KCNQ1: variants seen among roughly 807,000 people sequenced by gnomAD.
The protein encoded by KCNQ1 is potassium voltage-gated channel subfamily Q member 1, also known as potassium voltage-gated channel subfamily KQT member 1.
In KCNQ1, 49 loss-of-function variants were observed where a neutral mutation model predicts 72.4. That is an observed-to-expected ratio of 0.68 (90% CI 0.54 to 0.86). The LOEUF is 0.86. Ranked by LOEUF, KCNQ1 falls within the 40% of genes least tolerant of loss-of-function variation. The probability of loss-of-function intolerance (pLI) is 0.00; values close to 1 mark genes in which losing one functional copy is unlikely to be tolerated. For missense variants in KCNQ1, 790 were observed against 945.1 expected (o/e 0.84, Z 2.15); for synonymous variants, 450 against 412.6 (o/e 1.09, Z -1.10).
At chr11:2,708,861 C>G (rs577958317) in intron 11 of KCNQ1, among the ~76,000 whole-genome samples, 2 of 152,032 alleles carry the variant, frequency 1.3e-5, no homozygotes, top group Admixed American at 1.3e-4. Flanking sequence ...TCCAGCTGTG[C>G]GAGAACATGG....
At chr11:2,633,970 A>C (rs1021380701) in intron 10 of KCNQ1, 7 of 398,414 alleles carry the variant, frequency 1.8e-5, no homozygotes, top group African/African-American at 4.1e-5. Flanking sequence ...TATACAGTTC[A>C]AATCTATGTT....
At chr11:2,656,765 CT>C in intron 10 of KCNQ1, 1 of 398,464 alleles carries the variant, frequency 2.5e-6, no homozygotes. Flanking sequence ...GTTATTGCTT[CT>C]TTTAAAAAAA....
intron 10 of KCNQ1, chr11:2,638,016 T>C (rs1849504833): frequency 6.6e-6 from 1 of 152,220 alleles, no homozygotes; most frequent in Non-Finnish European, 1.5e-5. Context: ...CCTTTTTTTA[T>C]TTTCCATTTG....
chr11:2,675,505 C>T (rs1297447573), intron 11 of KCNQ1: 3 of 398,554 alleles, frequency 7.5e-6, no homozygotes, highest in Non-Finnish European at 1.3e-5. Context: ...ATAGCAGTCA[C>T]AACATGCCAT....
chr11:2,781,723 T>C lies in KCNQ1; in HGVS notation c.1794+3686T>C, dbSNP rs753923136. ...TTTATTTTGCAAGCTAAGCTCATACTGCTTTTGCTGATATGAGGAGCACAG... is the reference window on the plus strand; with the variant it reads ...TTTATTTTGCAAGCTAAGCTCATACCGCTTTTGCTGATATGAGGAGCACAG... On this transcript the variant is annotated intron_variant, in intron 15 of 15. Transcript: ENST00000155840. The surrounding 1 kb of genome is among the most constrained non-coding windows in gnomAD (Gnocchi z 6.6). Among the ~76,000 whole-genome samples the C allele has an allele frequency of 6.6e-5, 10 of 152,384 alleles. No homozygotes were observed. The highest frequency in any genetic ancestry group is 1.3e-4 in the Admixed American group (2 of 15,306).
intron 1 of KCNQ1, among the ~76,000 whole-genome samples, chr11:2,487,429 A>G (rs1846758664): frequency 6.6e-6 from 1 of 152,154 alleles, no homozygotes; most frequent in Non-Finnish European, 1.5e-5. Flanking sequence ...TGGGATTTTG[A>G]GAGGGATTGC....
intron 1 of KCNQ1, among the ~76,000 whole-genome samples, chr11:2,454,068 C>T (rs774604909): frequency 2.0e-5 from 3 of 151,870 alleles, no homozygotes; most frequent in African/African-American, 2.4e-5. Flanking sequence ...CCACACCTGG[C>T]GTATCAGGAT....
rs1362624342 is a variant in KCNQ1 at position 2,672,869 on chromosome 11, G to A, written c.1514+10788G>A. ...GCATTTTCTTGAGTGTCATACCCTA[G>A]CCACCTGACTGTCAGGGGAGCAGTA... On this transcript the variant is annotated intron_variant, in intron 11 of 15. Transcript: ENST00000155840. The A allele has an allele frequency of 8.8e-5, 35 of 398,612 alleles. 1 individual carries two copies. Among genetic ancestry groups the A allele is most frequent in the Non-Finnish European group, 3.1e-5 (7 of 226,132 alleles). 24.7% of individuals were successfully genotyped at this position (398,612 alleles called of 1,614,324 possible).
rs1846885815 is a variant in KCNQ1, at chr11:2,494,920, G to A, written c.387-33008G>A. ...AATAGTTTCAGAAGGAATGGTACCA[G>A]CTCCTCTTTGTGCCTCTGGTAGAAT... is the stretch of plus-strand genomic sequence containing the variant. On this transcript the variant is annotated intron_variant, in intron 1 of 15. Transcript: ENST00000155840. The surrounding 1 kb of genome is among the most constrained non-coding windows in gnomAD (Gnocchi z 4.6). 6.6e-6 allele frequency among the ~76,000 whole-genome samples: 1 copy of A among 152,178 alleles called. No homozygotes were observed.
chr11:2,734,780 C>T lies in KCNQ1; in HGVS notation c.1515-34064C>T, dbSNP rs1303813962. On this transcript the variant is annotated intron_variant, in intron 11 of 15. Transcript: ENST00000155840. The surrounding 1 kb of genome is among the most constrained non-coding windows in gnomAD (Gnocchi z 7.0). ...AGACCACCGCTCCTCCGCCATAAAC[C>T]GTGTTGGATGGGCCTCCTGCCTCCT... is the stretch of plus-strand genomic sequence containing the variant. 2.0e-5 allele frequency among the ~76,000 whole-genome samples: 3 copies of T among 151,986 alleles called. No homozygotes were observed. The highest frequency in any genetic ancestry group is 6.6e-5 in the Admixed American group (1 of 15,264).
At position 2,588,849 on chromosome 11, in the gene KCNQ1, G is replaced by C. The variant is rs184636161; in HGVS notation, c.1388G>C (p.Ser463Thr). 2.9e-5 allele frequency: 47 copies of C among 1,611,918 alleles called. No individual in the cohort carries two copies. In the African/African-American group the frequency reaches 5.5e-4, roughly 19 times the overall value. Residue 463 changes from serine (S) to threonine (T), a missense_variant, in exon 10 of 16, where the codon AGT becomes ACT. Transcript: ENST00000155840. The surrounding 1 kb of genome is among the most constrained non-coding windows in gnomAD (Gnocchi z 5.6). ...LDHFSVDGYD[S>T]SVRKSPTLLE... Reference sequence around the variant, plus strand: ...CACTTCTCTGTCGACGGCTATGACAGTTCTGGTGAGAACCCCTCAGGCAGT... The same window carrying C: ...CACTTCTCTGTCGACGGCTATGACACTTCTGGTGAGAACCCCTCAGGCAGT...
rs1564916659 is a variant in KCNQ1 at position 2,848,006 on chromosome 11, AGGGGATGGGGCTG to A, written c.*13_*25del. The stretch of plus-strand genomic sequence containing the variant: ...GGGGCCCCGATGAGGGGTCCTGAGG[AGGGGATGGGGCTG>A]GGGGATGGGCCTGAGTGAGAGGGGA... On this transcript the variant is annotated 3_prime_UTR_variant, in exon 16 of 16. Transcript: ENST00000155840. 1.9e-6 allele frequency: 3 copies of A among 1,540,160 alleles called. No individual in the cohort carries two copies. The East Asian group carries it at 7.2e-5, about 37-fold the overall frequency.
At chr11:2,540,376 G>A (rs974085114) in intron 2 of KCNQ1, among the ~76,000 whole-genome samples, 10 of 152,192 alleles carry the variant, frequency 6.6e-5, no homozygotes, top group South Asian at 4.1e-4. Context: ...GGCTCGGTGC[G>A]GCCTCACGGG....
chr11:2,753,535 T>C (rs1846257443), intron 11 of KCNQ1, among the ~76,000 whole-genome samples: 2 of 152,244 alleles, frequency 1.3e-5, no homozygotes, highest in South Asian at 4.1e-4. Flanking sequence ...CCGAGCAAAG[T>C]ACCTGCCACC....
chr11:2,692,661 G>A (rs910710883), intron 11 of KCNQ1: 8 of 398,522 alleles, frequency 2.0e-5, no homozygotes, highest in African/African-American at 1.0e-4. Flanking sequence ...GGGTGCAAAC[G>A]GTCCTTCAAC....
rs1847857956 is a variant in KCNQ1 at position 2,543,493 on chromosome 11, C to G, written c.477+15475C>G. On this transcript the variant is annotated intron_variant, in intron 2 of 15. Coordinates refer to ENST00000155840, the MANE Select transcript of KCNQ1 (RefSeq NM_000218.3). This position sits in a 1 kb window ranked among gnomAD's most constrained non-coding sequence, Gnocchi z 5.6. ...CTCACTTTGTTGCCCAGGCTGGTGT[C>G]AAACTCCTGGCCTCAAGCGATCCCC... 1.3e-5 allele frequency among the ~76,000 whole-genome samples: 2 copies of G among 152,160 alleles called. No homozygotes were observed. Among genetic ancestry groups the G allele is most frequent in the Admixed American group, 1.3e-4 (2 of 15,286 alleles).
In KCNQ1 at chr11:2,601,468, C is replaced by A. The variant is rs929086082; in HGVS notation, c.1393+12614C>A. Among the ~76,000 whole-genome samples the A allele has an allele frequency of 1.3e-5, 2 of 152,162 alleles. No individual in the cohort carries two copies. Among genetic ancestry groups the A allele is most frequent in the African/African-American group, 4.8e-5 (2 of 41,430 alleles). On this transcript the variant is annotated intron_variant, in intron 10 of 15. Coordinates refer to ENST00000155840, the MANE Select transcript of KCNQ1 (RefSeq NM_000218.3). The surrounding 1 kb of genome is among the most constrained non-coding windows in gnomAD (Gnocchi z 5.2). ...CGTCAGTGGTAGCATCTTCTAAAACCATAGCACAATATGATAACCAGGATG... is the reference window on the plus strand; with the variant it reads ...CGTCAGTGGTAGCATCTTCTAAAACAATAGCACAATATGATAACCAGGATG...
In KCNQ1 at chr11:2,657,062, T is replaced by A. The variant is rs1158971853; in HGVS notation, c.1394-4899T>A. On this transcript the variant is annotated intron_variant, in intron 10 of 15. Transcript: ENST00000155840. This position sits in a 1 kb window ranked among gnomAD's most constrained non-coding sequence, Gnocchi z 4.8. The stretch of plus-strand genomic sequence containing the variant: ...GTGTGGGCTGTTTCCCAATGCTCAA[T>A]CCTGTCCCATTGGCCTATTTGTCTC... 3 of 398,534 alleles carry A rather than the reference T, an allele frequency of 7.5e-6. No homozygotes were observed. Among genetic ancestry groups the A allele is most frequent in the African/African-American group, 6.2e-5 (3 of 48,634 alleles). 24.7% of individuals were successfully genotyped at this position (398,534 alleles called of 1,614,324 possible). A position where few individuals can be genotyped will look rare whatever the true frequency, so the allele number is the denominator to read the frequency against.
intron 11 of KCNQ1, among the ~76,000 whole-genome samples, chr11:2,761,219 C>T (rs1473531824): frequency 6.6e-6 from 1 of 152,176 alleles, no homozygotes; most frequent in Non-Finnish European, 1.5e-5. Flanking sequence ...CCTGCGTCCA[C>T]CCCAGCCAAA....
Sources: allele counts gnomAD v4.1 joint callset (sites outside exome capture counted in the v4.1 genomes callset), GRCh38; gene constraint gnomAD v4.1.1; non-coding constraint Gnocchi (gnomAD v3.1); transcripts MANE v1.5; gene names NCBI Gene and HGNC (gene_info 2026-07-23, HGNC 2026-07-21).